DYRK1A: variants seen among roughly 807,000 people sequenced by gnomAD.
DYRK1A encodes dual specificity tyrosine-phosphorylation-regulated kinase 1A.
In DYRK1A, 9 loss-of-function variants were observed where a neutral mutation model predicts 79.7. The ratio of observed to expected loss-of-function variants is 0.11; its 90% CI spans 0.07 to 0.20. DYRK1A has a LOEUF of 0.20. DYRK1A is among the 10% of genes least tolerant of loss of function. The pLI is 1.00. For synonymous variants in DYRK1A, 349 were observed against 329.7 expected (o/e 1.06, Z -0.63); for missense variants, 622 against 956.0 (o/e 0.65, Z 4.61).
intron 2 of DYRK1A, among the ~76,000 whole-genome samples, chr21:37,449,889 A>G (rs916356287): frequency 2.6e-5 from 4 of 152,198 alleles, no homozygotes; most frequent in Admixed American, 2.0e-4. Flanking sequence ...TTGGGCAGAA[A>G]ACAAATGTAA....
At chr21:37,467,100 A>C (rs1236700761) in intron 2 of DYRK1A, among the ~76,000 whole-genome samples, 1 of 63,448 alleles carries the variant, frequency 1.6e-5, no homozygotes, top group African/African-American at 7.4e-5. Context: ...TTTGGGATTT[A>C]CAAAAGAAAA....
intron 3 of DYRK1A, among the ~76,000 whole-genome samples, chr21:37,474,945 T>G (rs2052347006): frequency 6.6e-6 from 1 of 152,218 alleles, no homozygotes; most frequent in African/African-American, 2.4e-5. Context: ...ATACAGTGTT[T>G]CTGATTCTTC....
chr21:37,428,742 C>A (rs1432579858), intron 2 of DYRK1A: 1 of 152,020 alleles, frequency 6.6e-6, no homozygotes, highest in Non-Finnish European at 1.5e-5. Flanking sequence ...TAAGAAGATT[C>A]TTTGATAGGA....
chr21:37,443,671 G>A (rs1383768783), intron 2 of DYRK1A, among the ~76,000 whole-genome samples: 2 of 152,170 alleles, frequency 1.3e-5, no homozygotes, highest in Non-Finnish European at 2.9e-5. Flanking sequence ...TGCTCGGTGA[G>A]TATCGATGTT....
At chr21:37,422,192 G>A (rs569477088) in intron 2 of DYRK1A, among the ~76,000 whole-genome samples, 127 of 152,146 alleles carry the variant, frequency 8.3e-4, no homozygotes, top group Middle Eastern at 3.4e-3. Context: ...GCATTTATTG[G>A]CTTACAGAGG....
rs2053882702 is a variant in DYRK1A, at chr21:37,516,546, C to T, written c.*4015C>T. On this transcript the variant is annotated 3_prime_UTR_variant, in exon 12 of 12. Coordinates refer to ENST00000647188, the MANE Select transcript of DYRK1A (RefSeq NM_001347721.2). ...TCCCTTTTAATGACTAACCTTAATC[C>T]AAATGAATCCACTGAGAACCAGCCT... is the stretch of plus-strand genomic sequence containing the variant. The T allele has an allele frequency of 6.6e-6, 1 of 152,194 alleles. No individual in the cohort carries two copies. The highest frequency in any genetic ancestry group is 6.5e-5 in the Admixed American group (1 of 15,284). The allele number at this position is 152,194 out of a possible 1,614,324, so 9.4% of individuals were successfully genotyped here. A position where few individuals can be genotyped will look rare whatever the true frequency, so the allele number is the denominator to read the frequency against.
At chr21:37,471,773 C>T (rs8129473) in intron 2 of DYRK1A, among the ~76,000 whole-genome samples, 7,872 of 152,038 alleles carry the variant, frequency 0.052, 714 homozygotes, top group African/African-American at 0.18. Context: ...TGCTACTGAG[C>T]GTTATGGTCG....
At position 37,513,953 on chromosome 21, in the gene DYRK1A, A is replaced by C. The variant is rs1416665050; in HGVS notation, c.*1422A>C. ...ATGGCTGTACTATTGCTTAAACAAAACTGGAACTGTTGTTGAATCCATAGC... is the reference window on the plus strand; with the variant it reads ...ATGGCTGTACTATTGCTTAAACAAACCTGGAACTGTTGTTGAATCCATAGC... On this transcript the variant is annotated 3_prime_UTR_variant, in exon 12 of 12. Coordinates refer to ENST00000647188, the MANE Select transcript of DYRK1A (RefSeq NM_001347721.2). 6.6e-6 allele frequency: 1 copy of C among 152,660 alleles called. No individual in the cohort carries two copies. The highest frequency in any genetic ancestry group is 1.5e-5 in the Non-Finnish European group (1 of 68,046). The allele number at this position is 152,660 out of a possible 1,614,324, so 9.5% of individuals were successfully genotyped here.
intron 8 of DYRK1A, among the ~76,000 whole-genome samples, chr21:37,493,819 C>CT (rs2053172888): frequency 6.6e-6 from 1 of 151,698 alleles, no homozygotes; most frequent in South Asian, 2.1e-4. Flanking sequence ...CTTGATCAGT[C>CT]TATTTATAAA....
intron 1 of DYRK1A, chr21:37,419,559 G>T (rs2050423707): frequency 6.6e-6 from 1 of 152,118 alleles, no homozygotes; most frequent in South Asian, 2.1e-4. Context: ...AAATTCGATA[G>T]TATCAATTTA....
At chr21:37,414,962 C>G (rs2050309902) in intron 1 of DYRK1A, among the ~76,000 whole-genome samples, 1 of 152,176 alleles carries the variant, frequency 6.6e-6, no homozygotes, top group African/African-American at 2.4e-5. Context: ...TGTACTACTA[C>G]TTTACAATTA....
intron 3 of DYRK1A, among the ~76,000 whole-genome samples, chr21:37,473,894 CA>C (rs775072665): frequency 1.3e-5 from 2 of 152,150 alleles, no homozygotes; most frequent in Non-Finnish European, 2.9e-5. Flanking sequence ...GACAGTTGTT[CA>C]GAATGTCCAA....
intron 1 of DYRK1A, among the ~76,000 whole-genome samples, chr21:37,377,112 G>A (rs2049560043): frequency 1.3e-5 from 2 of 151,962 alleles, no homozygotes; most frequent in Admixed American, 1.3e-4. Context: ...TGCAACTTAA[G>A]CTTTTTATTT....
intron 2 of DYRK1A, among the ~76,000 whole-genome samples, chr21:37,472,154 A>G (rs1303348445): frequency 6.6e-6 from 1 of 152,032 alleles, no homozygotes; most frequent in Non-Finnish European, 1.5e-5. Context: ...TCTGTGTTTT[A>G]TGTTTGTTTT....
In DYRK1A at chr21:37,425,321, A is replaced by G. The variant is rs1469984796; in HGVS notation, c.10+4937A>G. Among the ~76,000 whole-genome samples the G allele has an allele frequency of 3.9e-5, 6 of 152,326 alleles. No individual in the cohort carries two copies. The East Asian group carries it at 1.2e-3, about 29-fold the overall frequency. On this transcript the variant is annotated intron_variant, in intron 2 of 11. Transcript: ENST00000647188. ...TTAATGCCTAAAAATAAGTATATTA[A>G]TGCTTGCTTTAATACATTTCTTCAA...
chr21:37,486,783 T>C (rs1048480914), intron 6 of DYRK1A, 169 bp downstream of exon 6: 18 of 560,372 alleles, frequency 3.2e-5, no homozygotes, highest in Non-Finnish European at 4.8e-5. Context: ...CTGGTAGTAA[T>C]AGTCTAAATC....
intron 1 of DYRK1A, among the ~76,000 whole-genome samples, chr21:37,368,850 G>T (rs1011203697): frequency 6.6e-6 from 1 of 152,136 alleles, no homozygotes; most frequent in Non-Finnish European, 1.5e-5. Context: ...ATGACTCAGG[G>T]TTCTAACCTA....
intron 2 of DYRK1A, among the ~76,000 whole-genome samples, chr21:37,433,803 A>G (rs1424655795): frequency 6.6e-6 from 1 of 152,224 alleles, no homozygotes; most frequent in East Asian, 1.9e-4. Flanking sequence ...TTGATGTGTG[A>G]CTAAAATATT....
chr21:37,481,287 A>C (rs11701810), intron 5 of DYRK1A: 44,225 of 152,488 alleles, frequency 0.29, 6,559 homozygotes, highest in South Asian at 0.4. Context: ...TTTTTCTCCC[A>C]CTTCATGTTG....
Sources: gnomAD v4.1 joint callset for allele counts (sites outside exome capture counted in the v4.1 genomes callset) on GRCh38, gnomAD v4.1.1 for gene constraint, MANE v1.5 for transcripts, NCBI Gene and HGNC (gene_info 2026-07-23, HGNC 2026-07-21) for gene names.